GPATCH2: variants seen among roughly 807,000 people sequenced by gnomAD.
The protein encoded by GPATCH2 is G-patch domain containing 2, also known as G patch domain-containing protein 2.
A neutral mutation model predicts 58.0 loss-of-function variants in GPATCH2; 51 were observed. The ratio of observed to expected loss-of-function variants is 0.88; its 90% confidence interval spans 0.70 to 1.11. GPATCH2 has a LOEUF of 1.11. Among genes scored for constraint, GPATCH2 ranks in the 50% most tolerant of loss-of-function variants. The pLI is 0.00. For missense variants in GPATCH2, 625 were observed against 652.2 expected (o/e 0.96, Z 0.45); for synonymous variants, 222 against 218.5 (o/e 1.02, Z -0.14).
intron 8 of GPATCH2, among the ~76,000 whole-genome samples, chr1:217,480,673 A>C (rs1037088123): frequency 1.3e-5 from 2 of 152,220 alleles, no homozygotes; most frequent in African/African-American, 4.8e-5. Context: ...TCAGTGTATC[A>C]AAGAGATACC....
intron 5 of GPATCH2, among the ~76,000 whole-genome samples, chr1:217,537,099 C>T (rs1303473308): frequency 6.6e-6 from 1 of 152,172 alleles, no homozygotes; most frequent in Non-Finnish European, 1.5e-5. Flanking sequence ...AAATCCTTTG[C>T]ATCAAAAACA....
chr1:217,454,982 T>A (rs1221538857), intron 8 of GPATCH2, among the ~76,000 whole-genome samples: 1 of 152,078 alleles, frequency 6.6e-6, no homozygotes, highest in African/African-American at 2.4e-5. Context: ...TTGTGCATGA[T>A]CTCTTTGGAC....
At chr1:217,513,887 C>T (rs578228461) in intron 6 of GPATCH2, among the ~76,000 whole-genome samples, 8 of 149,544 alleles carry the variant, frequency 5.3e-5, no homozygotes, top group South Asian at 4.3e-4. Flanking sequence ...TGCAGTGGAG[C>T]GATCTCGGCT....
chr1:217,482,218 C>A (rs1438232522), intron 8 of GPATCH2, among the ~76,000 whole-genome samples: 1 of 152,140 alleles, frequency 6.6e-6, no homozygotes, highest in Admixed American at 6.5e-5. Context: ...TTTTATGCAA[C>A]AAACATTTAT....
chr1:217,515,484 G>C (rs941931011), intron 5 of GPATCH2, among the ~76,000 whole-genome samples: 1 of 152,094 alleles, frequency 6.6e-6, no homozygotes, highest in African/African-American at 2.4e-5. Flanking sequence ...GGGAGGCTAA[G>C]GTCACCTGAG....
At chr1:217,626,279 A>G (rs112453527) in intron 1 of GPATCH2, among the ~76,000 whole-genome samples, 6,949 of 152,308 alleles carry the variant, frequency 0.046, 215 homozygotes, top group Middle Eastern at 0.095. Context: ...GTGTACAAAA[A>G]CACTGTACTA....
In GPATCH2 at chr1:217,566,050, G is replaced by A. The variant is rs150685090; in HGVS notation, c.1098+44271C>T. On this transcript the variant is annotated intron_variant, in intron 5 of 9. Transcript: ENST00000366935. ...TGGGAGGCAGAGGTTGTGGTGAGCC[G>A]AGATCATGCCATTGCACTCCAGCCT... Among the ~76,000 whole-genome samples, 892 of 132,838 alleles carry A rather than the reference G, an allele frequency of 6.7e-3. 15 individuals carry two copies. The highest frequency in any genetic ancestry group is 0.024 in the African/African-American group (847 of 35,472). The allele number at this position is 132,838 out of a possible 152,430, so 87.1% of individuals were successfully genotyped here. A position where few individuals can be genotyped will look rare whatever the true frequency, so the allele number is the denominator to read the frequency against.
At chr1:217,567,046 CT>C (rs71301102) in intron 5 of GPATCH2, among the ~76,000 whole-genome samples, 3,634 of 133,516 alleles carry the variant, frequency 0.027, 116 homozygotes, top group African/African-American at 0.1. Flanking sequence ...TAACTTCTGG[CT>C]TTTTTTTTTT....
At chr1:217,536,953 C>A (rs1296227486) in intron 5 of GPATCH2, among the ~76,000 whole-genome samples, 1 of 152,150 alleles carries the variant, frequency 6.6e-6, no homozygotes, top group Non-Finnish European at 1.5e-5. Flanking sequence ...GCCTGGGTGA[C>A]AGAGCGAGAC....
intron 5 of GPATCH2, among the ~76,000 whole-genome samples, chr1:217,568,452 A>G (rs1233844065): frequency 6.6e-6 from 1 of 152,158 alleles, no homozygotes; most frequent in Non-Finnish European, 1.5e-5. Flanking sequence ...CAATAAAAAC[A>G]CACAGACCAG....
intron 6 of GPATCH2, among the ~76,000 whole-genome samples, chr1:217,509,740 A>C (rs562610682): frequency 2.4e-4 from 36 of 152,330 alleles, no homozygotes; most frequent in African/African-American, 8.2e-4. Flanking sequence ...TTTGAGTGTA[A>C]CGCATTGTGA....
At chr1:217,439,568 G>C (rs927544660) in intron 9 of GPATCH2, among the ~76,000 whole-genome samples, 5 of 152,108 alleles carry the variant, frequency 3.3e-5, no homozygotes, top group Admixed American at 2.6e-4. Context: ...AAAAAAATCA[G>C]TGAATCCAGG....
intron 5 of GPATCH2, among the ~76,000 whole-genome samples, chr1:217,576,069 T>C (rs774316056): frequency 9.9e-5 from 15 of 152,108 alleles, no homozygotes; most frequent in Non-Finnish European, 2.1e-4. Flanking sequence ...TATTAAAACA[T>C]AGGTAAATAT....
chr1:217,548,256 T>C (rs11117881), intron 5 of GPATCH2, among the ~76,000 whole-genome samples: 34,792 of 151,664 alleles, frequency 0.23, 4,944 homozygotes, highest in East Asian at 0.45. Context: ...CTGGGGCCTA[T>C]TGGAGGTTGT....
chr1:217,447,605 T>C (rs543123915), intron 9 of GPATCH2, among the ~76,000 whole-genome samples: 1 of 152,358 alleles, frequency 6.6e-6, no homozygotes, highest in Non-Finnish European at 1.5e-5. Flanking sequence ...TATTATTCTA[T>C]ACAAATACAA....
chr1:217,615,144 T>C (rs967792365), intron 2 of GPATCH2, among the ~76,000 whole-genome samples: 5 of 152,112 alleles, frequency 3.3e-5, no homozygotes, highest in Non-Finnish European at 5.9e-5. Context: ...ATCTTATTTT[T>C]TAATAAGGCA....
At chr1:217,524,179 A>G (rs1663676794) in intron 5 of GPATCH2, among the ~76,000 whole-genome samples, 1 of 140,666 alleles carries the variant, frequency 7.1e-6, no homozygotes, top group Admixed American at 6.9e-5. Context: ...CACTTCTCAG[A>G]CGGGGCGGCT....
At chr1:217,549,283 T>C (rs1665230500) in intron 5 of GPATCH2, among the ~76,000 whole-genome samples, 1 of 131,990 alleles carries the variant, frequency 7.6e-6, no homozygotes. Flanking sequence ...CAATATGAGA[T>C]TTTTTAAGTT....
intron 1 of GPATCH2, among the ~76,000 whole-genome samples, chr1:217,629,049 T>A (rs1669599530): frequency 6.6e-6 from 1 of 152,222 alleles, no homozygotes; most frequent in African/African-American, 2.4e-5. Flanking sequence ...CTCAAAAGAT[T>A]TACATGAGAT....
Sources: allele counts gnomAD v4.1 joint callset (sites outside exome capture counted in the v4.1 genomes callset), GRCh38; gene constraint gnomAD v4.1.1; transcripts MANE v1.5; gene names NCBI Gene and HGNC (gene_info 2026-07-23, HGNC 2026-07-21).